CMIP: variants seen among roughly 807,000 people sequenced by gnomAD.
CMIP encodes the protein c-Maf inducing protein, also known as C-Maf-inducing protein.
CMIP carries 13 observed loss-of-function variants against 97.3 expected under a neutral mutation model. That is an observed-to-expected ratio of 0.13 (90% confidence interval 0.09 to 0.21). The LOEUF (loss-of-function observed/expected upper bound fraction) is 0.21, where lower values mean the gene tolerates loss of function less well. CMIP is among the 10% of genes least tolerant of loss of function. The pLI is 1.00. For missense variants in CMIP, 847 were observed against 1,024.9 expected (o/e 0.83, Z 2.37); for synonymous variants, 538 against 436.3 (o/e 1.23, Z -2.91).
At chr16:81,585,468 G>T (rs916723560) in intron 1 of CMIP, among the ~76,000 whole-genome samples, 2 of 152,158 alleles carry the variant, frequency 1.3e-5, no homozygotes, top group East Asian at 3.9e-4. Flanking sequence ...CCCATCAGCA[G>T]TCAGCCCTGC....
intron 1 of CMIP, among the ~76,000 whole-genome samples, chr16:81,454,291 A>G (rs187025397): frequency 6.6e-6 from 1 of 152,304 alleles, no homozygotes; most frequent in East Asian, 1.9e-4. Flanking sequence ...CATTTTACAG[A>G]TGCTCTAATG....
intron 1 of CMIP, among the ~76,000 whole-genome samples, chr16:81,547,987 A>G (rs2090580879): frequency 6.6e-6 from 1 of 152,196 alleles, no homozygotes; most frequent in African/African-American, 2.4e-5. Flanking sequence ...GCCGGCAATC[A>G]TGTCATGCTG....
At chr16:81,501,060 C>T (rs1490465394) in intron 1 of CMIP, among the ~76,000 whole-genome samples, 1 of 152,212 alleles carries the variant, frequency 6.6e-6, no homozygotes, top group Admixed American at 6.5e-5. Context: ...CACTTCCTGC[C>T]ACTTCCAGGA....
At chr16:81,565,028 G>A (rs1404955764) in intron 1 of CMIP, among the ~76,000 whole-genome samples, 7 of 152,036 alleles carry the variant, frequency 4.6e-5, no homozygotes, top group Admixed American at 4.6e-4. Flanking sequence ...TGAAGAGGTA[G>A]TGCTCGGGGG....
intron 6 of CMIP, among the ~76,000 whole-genome samples, chr16:81,663,504 C>T (rs1033500395): frequency 6.6e-6 from 1 of 152,086 alleles, no homozygotes; most frequent in Non-Finnish European, 1.5e-5. Flanking sequence ...TGGCTGAGCA[C>T]AGAGGATTTT....
At chr16:81,685,228 C>T (rs1905258269) in intron 10 of CMIP, among the ~76,000 whole-genome samples, 1 of 152,222 alleles carries the variant, frequency 6.6e-6, no homozygotes, top group South Asian at 2.1e-4. Flanking sequence ...CCATGCACCC[C>T]TCTCGGTCTT....
chr16:81,696,518 G>A (rs916099457), intron 13 of CMIP, 42 bp from the exon 14 acceptor site: 2 of 1,571,412 alleles, frequency 1.3e-6, no homozygotes, highest in Non-Finnish European at 1.7e-6. Flanking sequence ...TTGTCACCGG[G>A]GCTGCATGCA....
In CMIP at chr16:81,451,723, GC is replaced by G. The variant is rs1187498557; in HGVS notation, c.300+6183del. Among the ~76,000 whole-genome samples the G allele has an allele frequency of 6.6e-5, 10 of 152,178 alleles. No homozygotes were observed. In the South Asian group the frequency reaches 1.9e-3, roughly 28 times the overall value. On this transcript the variant is annotated intron_variant, in intron 1 of 20. Transcript: ENST00000537098. ...CTGAAGGAACATAGGTGACCAGGGGGCTCTGACAAGGATGCGCTGACTTCCA... is the reference window on the plus strand; with the variant it reads ...CTGAAGGAACATAGGTGACCAGGGGGTCTGACAAGGATGCGCTGACTTCCA...
At chr16:81,462,811 C>T (rs1906972498) in intron 1 of CMIP, among the ~76,000 whole-genome samples, 1 of 152,182 alleles carries the variant, frequency 6.6e-6, no homozygotes, top group African/African-American at 2.4e-5. Context: ...TGGAATCAGG[C>T]AGATGGTGGC....
rs376230426 is a variant in CMIP, at chr16:81,616,677, G to A, written c.427-4199G>A. Among the ~76,000 whole-genome samples, 9 of 152,236 alleles carry A rather than the reference G, an allele frequency of 5.9e-5. No individual in the cohort carries two copies. The highest frequency in any genetic ancestry group is 2.2e-4 in the African/African-American group (9 of 41,476). On this transcript the variant is annotated intron_variant, in intron 2 of 20. Coordinates refer to ENST00000537098, the MANE Select transcript of CMIP (RefSeq NM_198390.3). The surrounding 1 kb of genome is among the most constrained non-coding windows in gnomAD (Gnocchi z 4.7). ...AGGATCCCAGAGTGGAACAGAAGTGGCCAGAAAGCCAAGTGTGGCTGGGGA... is the reference window on the plus strand; with the variant it reads ...AGGATCCCAGAGTGGAACAGAAGTGACCAGAAAGCCAAGTGTGGCTGGGGA...
intron 1 of CMIP, among the ~76,000 whole-genome samples, chr16:81,542,799 T>A (rs891030091): frequency 6.6e-6 from 1 of 152,136 alleles, no homozygotes. Flanking sequence ...CAAACCCTAA[T>A]CACCTCCCAA....
chr16:81,465,900 C>G (rs111404157), intron 1 of CMIP, among the ~76,000 whole-genome samples: 1 of 152,230 alleles, frequency 6.6e-6, no homozygotes, highest in African/African-American at 2.4e-5. Flanking sequence ...GAACCAAACA[C>G]AGCCCCACTA....
rs117649902 is a variant in CMIP, at chr16:81,649,683, A to G, written c.478-2520A>G. ...TCATCTTTCGCAAAAGAATGAAGTC[A>G]TTAATCTTTCAAAAGTAAATAATGT... On this transcript the variant is annotated intron_variant, in intron 3 of 20. Transcript: ENST00000537098. 5.6e-3 allele frequency among the ~76,000 whole-genome samples: 860 copies of G among 152,356 alleles called. 4 individuals are homozygous for G. The highest frequency in any genetic ancestry group is 0.031 in the Middle Eastern group (9 of 294).
intron 1 of CMIP, among the ~76,000 whole-genome samples, chr16:81,568,704 A>G (rs896488152): frequency 2.0e-5 from 3 of 152,198 alleles, no homozygotes; most frequent in Non-Finnish European, 2.9e-5. Flanking sequence ...CGTTCTGTTC[A>G]AGAAGACAGA....
At chr16:81,534,784 C>T (rs1426976710) in intron 1 of CMIP, among the ~76,000 whole-genome samples, 1 of 152,192 alleles carries the variant, frequency 6.6e-6, no homozygotes, top group East Asian at 1.9e-4. Context: ...TGTCTGTTAT[C>T]ATTCACTCAA....
intron 1 of CMIP, among the ~76,000 whole-genome samples, chr16:81,482,029 C>T (rs981728375): frequency 6.6e-6 from 1 of 152,060 alleles, no homozygotes; most frequent in Admixed American, 6.6e-5. Context: ...TAGGTGTGCG[C>T]CACCACACCT....
chr16:81,486,522 G>T (rs2089316497), intron 1 of CMIP, among the ~76,000 whole-genome samples: 1 of 152,168 alleles, frequency 6.6e-6, no homozygotes. Flanking sequence ...GGTGCCCAGG[G>T]CCGGGCCACT....
chr16:81,451,110 A>G (rs555913378), intron 1 of CMIP, among the ~76,000 whole-genome samples: 11 of 152,226 alleles, frequency 7.2e-5, no homozygotes, highest in African/African-American at 2.4e-4. Context: ...CCTCTTTGAT[A>G]TGGTTTGGAT....
chr16:81,682,567 CAA>C (rs113037541), intron 10 of CMIP, among the ~76,000 whole-genome samples: 17 of 134,978 alleles, frequency 1.3e-4, no homozygotes, highest in East Asian at 2.1e-4. Context: ...CTCCCATCTC[CAA>C]AAAAAAAAAA....
Sources: allele counts gnomAD v4.1 joint callset (sites outside exome capture counted in the v4.1 genomes callset), GRCh38; gene constraint gnomAD v4.1.1; non-coding constraint Gnocchi (gnomAD v3.1); transcripts MANE v1.5; gene names NCBI Gene and HGNC (gene_info 2026-07-23, HGNC 2026-07-21).